Variants in DCP1A observed in about 807,000 individuals in gnomAD.
DCP1A encodes the protein mRNA-decapping enzyme 1A.
In DCP1A, 20 loss-of-function variants were observed where a neutral mutation model predicts 58.0. The ratio of observed to expected loss-of-function variants is 0.34; its 90% CI spans 0.24 to 0.50. The LOEUF (loss-of-function observed/expected upper bound fraction) is 0.50, where lower values mean the gene tolerates loss of function less well. Among genes scored for constraint, DCP1A ranks in the 20% least tolerant of loss-of-function variants. The probability of loss-of-function intolerance (pLI) is 0.98; values close to 1 mark genes in which losing one functional copy is unlikely to be tolerated. For synonymous variants in DCP1A, 285 were observed against 275.1 expected, an observed-to-expected ratio of 1.04 and a Z score of -0.36; for missense variants, 613 against 712.2, an observed-to-expected ratio of 0.86 and a Z score of 1.59.
intron 3 of DCP1A, among the ~76,000 whole-genome samples, chr3:53,331,618 G>GT (rs66517772): frequency 0.71 from 107,164 of 151,636 alleles, 38,469 homozygotes; most frequent in Non-Finnish European, 0.77. Flanking sequence ...GCCTAATGGC[G>GT]CCTTTAGGAC....
rs780633550 is a variant in DCP1A at position 53,296,773 on chromosome 3, C to T, written c.625-3946G>A. Among the ~76,000 whole-genome samples the T allele has an allele frequency of 5.9e-5, 9 of 152,312 alleles. No homozygotes were observed. The South Asian group carries it at 1.9e-3, about 32-fold the overall frequency. ...ATATGACATTTATTTATCCATTCAT[C>T]CATTAATGGACACTGGAGTTCTTGA... On this transcript the variant is annotated intron_variant, in intron 6 of 9. Transcript: ENST00000610213.
rs1332922077 is a variant in DCP1A, at chr3:53,284,602, T to A, written c.*2978A>T. 6.7e-6 allele frequency: 1 copy of A among 148,362 alleles called. No homozygotes were observed. Among genetic ancestry groups the A allele is most frequent in the Non-Finnish European group, 1.5e-5 (1 of 67,508 alleles). The allele number at this position is 148,362 out of a possible 1,614,324, so 9.2% of individuals were successfully genotyped here. ...CCCAGGCTAGAGTGCAGTGGTGTGA[T>A]CTTGGCTCACTGCAACCTCTGCCTC... On this transcript the variant is annotated 3_prime_UTR_variant, in exon 10 of 10. Coordinates refer to ENST00000610213, the MANE Select transcript of DCP1A (RefSeq NM_018403.7).
intron 4 of DCP1A, among the ~76,000 whole-genome samples, chr3:53,315,744 G>GTTGTTTTTTTTTTT (rs1707785523): frequency 1.0e-5 from 1 of 95,416 alleles, no homozygotes; most frequent in African/African-American, 4.2e-5. Flanking sequence ...TCAGTTTGTT[G>GTTGTTTTTTTTTTT]TTTTTTTTTT....
Position 53,304,262 on chromosome 3 carries a change from CTGGAGATATT to C in DCP1A, c.529_538del (p.Asn177AlafsTer19). The C allele has an allele frequency of 6.2e-7, 1 of 1,613,096 alleles. No individual in the cohort carries two copies. Among genetic ancestry groups the C allele is most frequent in the Non-Finnish European group, 8.5e-7 (1 of 1,179,608 alleles). On this transcript the variant is annotated frameshift_variant, in exon 6 of 10. Coordinates refer to ENST00000610213, the MANE Select transcript of DCP1A (RefSeq NM_018403.7). LOFTEE classifies it high-confidence loss of function. ...CTGAGTGCTTGGCTGTAACCCAGGG[CTGGAGATATT>C]TGAGTCACCCATCTGATTCTTTAAA...
intron 3 of DCP1A, among the ~76,000 whole-genome samples, chr3:53,321,763 C>A (rs1553689992): frequency 6.6e-6 from 1 of 152,128 alleles, no homozygotes; most frequent in African/African-American, 2.4e-5. Context: ...GGTCTTCTCA[C>A]TCCTAGACCA....
At chr3:53,332,882 T>C (rs1290670998) in intron 3 of DCP1A, among the ~76,000 whole-genome samples, 2 of 151,978 alleles carry the variant, frequency 1.3e-5, no homozygotes, top group Non-Finnish European at 2.9e-5. Context: ...AAATTTCTAC[T>C]TTTTGCAATT....
chr3:53,330,438 T>C (rs749036225), intron 3 of DCP1A, among the ~76,000 whole-genome samples: 3 of 151,880 alleles, frequency 2.0e-5, no homozygotes, highest in Non-Finnish European at 4.4e-5. Context: ...CTCACACCTA[T>C]AGTCCTAGCT....
chr3:53,312,088 C>A (rs1298079878), intron 5 of DCP1A, among the ~76,000 whole-genome samples, 153 bp downstream of exon 5: 1 of 151,116 alleles, frequency 6.6e-6, no homozygotes, highest in Admixed American at 6.7e-5. Flanking sequence ...GTAGCTGGGA[C>A]TGATTACAGG....
At chr3:53,326,109 GTTTATCA>G (rs1708096876) in intron 3 of DCP1A, among the ~76,000 whole-genome samples, 1 of 152,118 alleles carries the variant, frequency 6.6e-6, no homozygotes, top group Non-Finnish European at 1.5e-5. Flanking sequence ...AAGGTCTTCA[GTTTATCA>G]TTTAAAAATT....
chr3:53,324,270 T>C (rs1286542011), intron 3 of DCP1A, among the ~76,000 whole-genome samples: 1 of 152,206 alleles, frequency 6.6e-6, no homozygotes, highest in African/African-American at 2.4e-5. Context: ...AGCAGACCTG[T>C]AGAGGTTCAG....
intron 3 of DCP1A, among the ~76,000 whole-genome samples, chr3:53,323,076 G>A (rs972003642): frequency 5.3e-5 from 8 of 151,934 alleles, no homozygotes; most frequent in South Asian, 2.1e-4. Context: ...CGCCCACCTC[G>A]GCCTCCCAAA....
At chr3:53,310,408 A>G (rs1429326354) in intron 5 of DCP1A, among the ~76,000 whole-genome samples, 1 of 152,206 alleles carries the variant, frequency 6.6e-6, no homozygotes, top group African/African-American at 2.4e-5. Flanking sequence ...AGCCTGAGTA[A>G]GCCAGGCCAC....
At chr3:53,346,118 T>A (rs553475442) in intron 1 of DCP1A, among the ~76,000 whole-genome samples, 1 of 152,280 alleles carries the variant, frequency 6.6e-6, no homozygotes, top group African/African-American at 2.4e-5. Flanking sequence ...TCACCATTTG[T>A]CGGCAATCCA....
intron 5 of DCP1A, among the ~76,000 whole-genome samples, chr3:53,305,017 T>C (rs1437062936): frequency 1.3e-5 from 2 of 152,230 alleles, no homozygotes; most frequent in Non-Finnish European, 2.9e-5. Context: ...TCCCTTGTGC[T>C]GTCCTGTTGC....
intron 3 of DCP1A, among the ~76,000 whole-genome samples, chr3:53,340,999 T>C (rs1157164235): frequency 6.6e-6 from 1 of 152,172 alleles, no homozygotes; most frequent in Non-Finnish European, 1.5e-5. Context: ...ATCGTTAACA[T>C]TAAAGCACCA....
chr3:53,347,455 G>C lies in DCP1A; in HGVS notation c.63C>G (p.Pro21=). ...TGAGGTCTGCGATGCTGGTGATATA[G>C]GGGTCGTGTTGCTTCAGGGCCGCTA... ...MSLAALKQHD[P]YITSIADLTG... The change falls in exon 1 of 10, where the codon CCC becomes CCG. Residue 21 remains proline, a synonymous_variant. Transcript: ENST00000610213. 6.2e-7 allele frequency: 1 copy of C among 1,613,724 alleles called. No individual in the cohort carries two copies. The highest frequency in any genetic ancestry group is 8.5e-7 in the Non-Finnish European group (1 of 1,179,732).
At chr3:53,288,338 C>A in intron 8 of DCP1A, 55 bp from the exon 9 acceptor site, 1 of 1,410,666 alleles carries the variant, frequency 7.1e-7, no homozygotes, top group Non-Finnish European at 9.8e-7. Flanking sequence ...GTAGCCAGGC[C>A]CAGAATAGGG....
In DCP1A at chr3:53,292,397, C is replaced by T; in HGVS notation, c.1055G>A (p.Arg352Lys). Reference sequence around the variant, plus strand: ...GACTGGCTGGTTCAGGAGTGGAGACCTCTGTCTAGGCGTGGTCTTCACTGC... The same window carrying T: ...GACTGGCTGGTTCAGGAGTGGAGACTTCTGTCTAGGCGTGGTCTTCACTGC... Reference protein sequence around the residue: ...MQAVKTTPRQRSPLLNQPVPE... With the variant: ...MQAVKTTPRQKSPLLNQPVPE... Residue 352 changes from arginine (R) to lysine (K), a missense_variant, in exon 7 of 10, where the codon AGG becomes AAG. Transcript: ENST00000610213. 1 of 1,613,682 alleles carries T rather than the reference C, an allele frequency of 6.2e-7. No individual in the cohort carries two copies. The highest frequency in any genetic ancestry group is 8.5e-7 in the Non-Finnish European group (1 of 1,179,748).
At chr3:53,290,211 AG>A (rs1706803231) in intron 8 of DCP1A, among the ~76,000 whole-genome samples, 1 of 152,182 alleles carries the variant, frequency 6.6e-6, no homozygotes, top group Non-Finnish European at 1.5e-5. Context: ...AAATGAAGCA[AG>A]GGAGGACAAA....
Sources: allele counts gnomAD v4.1 joint callset (sites outside exome capture counted in the v4.1 genomes callset), GRCh38; gene constraint gnomAD v4.1.1; transcripts MANE v1.5; gene names NCBI Gene and HGNC (gene_info 2026-07-23, HGNC 2026-07-21).